The following GRID2 variants were observed in gnomAD, a reference collection of about 807,000 sequenced individuals.
GRID2 encodes glutamate ionotropic receptor delta type subunit 2.
GRID2 carries 33 observed loss-of-function variants against 114.8 expected under a neutral mutation model. The ratio of observed to expected loss-of-function variants is 0.29; its 90% CI spans 0.22 to 0.38. GRID2 has a LOEUF of 0.38. GRID2 is among the 10% of genes least tolerant of loss of function. GRID2 has a pLI of 1.00. For synonymous variants in GRID2, 505 were observed against 449.9 expected, an observed-to-expected ratio of 1.12 and a Z score of -1.55; for missense variants, 1,184 against 1,257.7, an observed-to-expected ratio of 0.94 and a Z score of 0.89.
At chr4:92,876,068 A>G (rs1239536360) in intron 2 of GRID2, among the ~76,000 whole-genome samples, 2 of 152,008 alleles carry the variant, frequency 1.3e-5, no homozygotes, top group African/African-American at 4.8e-5. Context: ...AATCTCCTAT[A>G]TACCAAATAC....
chr4:93,208,962 A>G lies in GRID2; in HGVS notation c.789+1505A>G, dbSNP rs146445326. Among the ~76,000 whole-genome samples the G allele has an allele frequency of 3.8e-3, 584 of 152,160 alleles. 4 individuals carry two copies. The highest frequency in any genetic ancestry group is 0.013 in the African/African-American group (540 of 41,536). On this transcript the variant is annotated intron_variant, in intron 5 of 15. Coordinates refer to ENST00000282020, the MANE Select transcript of GRID2 (RefSeq NM_001510.4). The stretch of plus-strand genomic sequence containing the variant: ...CTTCAAATTAAATATTTTCATTTCA[A>G]TTTTTCTCCAAGGAAACTAAGTTTC...
intron 1 of GRID2, chr4:93,806,611 A>T (rs1735038816): frequency 6.6e-6 from 1 of 152,244 alleles, no homozygotes; most frequent in South Asian, 2.1e-4. Flanking sequence ...TACGATGGAC[A>T]TTTAAGGTGG....
chr4:92,914,806 A>T (rs1001527903), intron 2 of GRID2, among the ~76,000 whole-genome samples: 3 of 152,004 alleles, frequency 2.0e-5, no homozygotes, highest in African/African-American at 7.2e-5. Flanking sequence ...ACATTTTTTT[A>T]AATCCAGTCT....
chr4:93,552,243 T>G (rs1421719734), intron 13 of GRID2, among the ~76,000 whole-genome samples: 6 of 151,976 alleles, frequency 3.9e-5, no homozygotes, highest in Non-Finnish European at 5.9e-5. Flanking sequence ...TATTCCATGG[T>G]GTATATGTGC....
chr4:92,596,449 T>A (rs1201311499), intron 2 of GRID2, among the ~76,000 whole-genome samples: 2 of 152,064 alleles, frequency 1.3e-5, no homozygotes, highest in East Asian at 3.9e-4. Flanking sequence ...GGATGCTGGA[T>A]GTCTATTCAG....
intron 13 of GRID2, among the ~76,000 whole-genome samples, chr4:93,617,648 G>A (rs1014690186): frequency 1.3e-5 from 2 of 151,878 alleles, no homozygotes; most frequent in Non-Finnish European, 1.5e-5. Context: ...TTTATTATCT[G>A]AACTCTCAGA....
chr4:93,088,231 A>G (rs980243892), intron 3 of GRID2, among the ~76,000 whole-genome samples: 1 of 152,154 alleles, frequency 6.6e-6, no homozygotes, highest in Non-Finnish European at 1.5e-5. Context: ...CAACAGATGA[A>G]AAGATGAAAA....
At chr4:93,458,809 T>C (rs2149416498) in intron 11 of GRID2, among the ~76,000 whole-genome samples, 1 of 152,170 alleles carries the variant, frequency 6.6e-6, no homozygotes, top group Middle Eastern at 3.4e-3. Flanking sequence ...ATGTAGATAT[T>C]GATTGAAATA....
chr4:92,388,289 C>G (rs1333701592), intron 1 of GRID2, among the ~76,000 whole-genome samples: 1 of 152,014 alleles, frequency 6.6e-6, no homozygotes, highest in Non-Finnish European at 1.5e-5. Context: ...GCTTTGGATT[C>G]TCTGGCTCAG....
At chr4:92,545,452 A>G (rs1579556277) in intron 1 of GRID2, among the ~76,000 whole-genome samples, 1 of 152,278 alleles carries the variant, frequency 6.6e-6, no homozygotes, top group East Asian at 1.9e-4. Flanking sequence ...ATATACGTCC[A>G]GTGAATTCAG....
chr4:92,363,364 T>C (rs1728704802), intron 1 of GRID2, among the ~76,000 whole-genome samples: 1 of 152,090 alleles, frequency 6.6e-6, no homozygotes, highest in Middle Eastern at 3.2e-3. Flanking sequence ...TGTCTAAAAG[T>C]ATGAACTCAT....
At chr4:92,611,714 G>A (rs755536121) in intron 2 of GRID2, among the ~76,000 whole-genome samples, 2 of 151,502 alleles carry the variant, frequency 1.3e-5, no homozygotes, top group Non-Finnish European at 3.0e-5. Flanking sequence ...ACGTGAAGTG[G>A]TATCTGATTA....
intron 2 of GRID2, among the ~76,000 whole-genome samples, chr4:92,805,887 C>T (rs1024093572): frequency 6.6e-6 from 1 of 151,724 alleles, no homozygotes; most frequent in Non-Finnish European, 1.5e-5. Flanking sequence ...TCCAAGAGTT[C>T]AGATTATCTC....
At chr4:93,158,543 GTCATT>G (rs72107777) in intron 4 of GRID2, among the ~76,000 whole-genome samples, 8,250 of 151,650 alleles carry the variant, frequency 0.054, 624 homozygotes, top group African/African-American at 0.17. Flanking sequence ...TTGCAGAAAA[GTCATT>G]TCCATATCTG....
chr4:92,319,485 T>C (rs557667495), intron 1 of GRID2, among the ~76,000 whole-genome samples: 8 of 152,344 alleles, frequency 5.3e-5, no homozygotes, highest in African/African-American at 1.9e-4. Flanking sequence ...AAAGAGGTTC[T>C]TTTAGAATGT....
At chr4:93,391,199 GGA>G in intron 8 of GRID2, among the ~76,000 whole-genome samples, 1 of 152,200 alleles carries the variant, frequency 6.6e-6, no homozygotes, top group African/African-American at 2.4e-5. Context: ...AATTATCATT[GGA>G]GAGATTACTG....
At chr4:92,816,296 CAAGAGT>C (rs1240273898) in intron 2 of GRID2, among the ~76,000 whole-genome samples, 1 of 79,636 alleles carries the variant, frequency 1.3e-5, no homozygotes, top group South Asian at 4.3e-4. Context: ...GTCTGGGCAA[CAAGAGT>C]AAATCTCTGT....
intron 2 of GRID2, among the ~76,000 whole-genome samples, chr4:92,747,467 A>T (rs1372687427): frequency 1.3e-5 from 2 of 151,890 alleles, no homozygotes; most frequent in African/African-American, 4.8e-5. Context: ...GTTTCTTAGG[A>T]CTCTCCTACG....
chr4:93,308,241 G>A (rs1020173053), intron 8 of GRID2, among the ~76,000 whole-genome samples: 8 of 152,064 alleles, frequency 5.3e-5, no homozygotes, highest in African/African-American at 1.7e-4. Flanking sequence ...GTTCAGTGTC[G>A]AGTCCTTTGA....
Sources: allele counts gnomAD v4.1 joint callset (sites outside exome capture counted in the v4.1 genomes callset), GRCh38; gene constraint gnomAD v4.1.1; transcripts MANE v1.5; gene names NCBI Gene and HGNC (gene_info 2026-07-23, HGNC 2026-07-21).